The following IPCEF1 variants were observed in gnomAD, a reference collection of about 807,000 sequenced individuals.
IPCEF1 encodes the protein interaction protein for cytohesin exchange factors 1, also known as interactor protein for cytohesin exchange factors 1.
In IPCEF1, 31 loss-of-function variants were observed where a neutral mutation model predicts 50.9. The ratio of observed to expected loss-of-function variants is 0.61; its 90% CI spans 0.46 to 0.82. IPCEF1 has a LOEUF of 0.82. Ranked by LOEUF, IPCEF1 falls within the 40% of genes least tolerant of loss-of-function variation. The probability of loss-of-function intolerance (pLI) is 0.00; values close to 1 mark genes in which losing one functional copy is unlikely to be tolerated. For missense variants in IPCEF1, 458 were observed against 514.0 expected, an observed-to-expected ratio of 0.89 and a Z score of 1.05; for synonymous variants, 181 against 192.0, an observed-to-expected ratio of 0.94 and a Z score of 0.47.
At chr6:154,259,938 T>C (rs923659511) in intron 3 of IPCEF1, among the ~76,000 whole-genome samples, 6 of 152,194 alleles carry the variant, frequency 3.9e-5, no homozygotes, top group African/African-American at 1.4e-4. Flanking sequence ...AAGTTTCAGC[T>C]TTTTTTAATT....
At chr6:154,345,682 A>G (rs979175407) in intron 1 of IPCEF1, among the ~76,000 whole-genome samples, 5 of 152,172 alleles carry the variant, frequency 3.3e-5, no homozygotes, top group African/African-American at 1.2e-4. Flanking sequence ...ACAGTATTTA[A>G]TAATTCTGAA....
chr6:154,212,464 A>T (rs1474069794), intron 9 of IPCEF1, among the ~76,000 whole-genome samples: 2 of 152,242 alleles, frequency 1.3e-5, no homozygotes, highest in African/African-American at 4.8e-5. Flanking sequence ...TAGAACATAA[A>T]TAAACACTGT....
chr6:154,185,197 C>G (rs183176978), intron 10 of IPCEF1, among the ~76,000 whole-genome samples: 1 of 152,252 alleles, frequency 6.6e-6, no homozygotes, highest in Non-Finnish European at 1.5e-5. Context: ...GAAAACAGAG[C>G]CTAGCAAGGG....
chr6:154,193,551 T>C (rs551694508), intron 10 of IPCEF1, among the ~76,000 whole-genome samples: 1 of 152,344 alleles, frequency 6.6e-6, no homozygotes, highest in South Asian at 2.1e-4. Flanking sequence ...CATATACTTG[T>C]ACTCTCCTGC....
chr6:154,198,631 TACACACACACAC>T (rs3070838), intron 10 of IPCEF1, among the ~76,000 whole-genome samples: 9 of 146,698 alleles, frequency 6.1e-5, no homozygotes, highest in Admixed American at 2.8e-4. Context: ...AAATATTACA[TACACACACACAC>T]ACACACACAC....
chr6:154,186,822 C>A (rs1801409791), intron 10 of IPCEF1, among the ~76,000 whole-genome samples: 1 of 152,112 alleles, frequency 6.6e-6, no homozygotes, highest in African/African-American at 2.4e-5. Flanking sequence ...TCCCAAAATG[C>A]TGGGATTACA....
chr6:154,275,688 A>G (rs67923814), intron 2 of IPCEF1, among the ~76,000 whole-genome samples: 11,427 of 152,160 alleles, frequency 0.075, 484 homozygotes, highest in African/African-American at 0.094. Flanking sequence ...TTTGCCAAAC[A>G]TTATTCCATT....
intron 9 of IPCEF1, among the ~76,000 whole-genome samples, chr6:154,205,610 C>T (rs1777429521): frequency 6.6e-6 from 1 of 152,070 alleles, no homozygotes; most frequent in South Asian, 2.1e-4. Context: ...TAAAAACATA[C>T]ACACACAAAG....
At chr6:154,181,669 G>A (rs541390339) in intron 10 of IPCEF1, among the ~76,000 whole-genome samples, 5 of 152,124 alleles carry the variant, frequency 3.3e-5, no homozygotes, top group Non-Finnish European at 7.3e-5. Context: ...ATCCCCACCC[G>A]GAGCCTCTGC....
chr6:154,334,061 C>A (rs916671605), intron 1 of IPCEF1, among the ~76,000 whole-genome samples: 4 of 152,124 alleles, frequency 2.6e-5, no homozygotes, highest in African/African-American at 9.7e-5. Flanking sequence ...CATTATTGGG[C>A]AGCTAACATT....
At chr6:154,184,499 A>T (rs542125835) in intron 10 of IPCEF1, among the ~76,000 whole-genome samples, 2 of 152,214 alleles carry the variant, frequency 1.3e-5, no homozygotes, top group South Asian at 4.1e-4. Context: ...CATTTTTTTT[A>T]AAAGACCAAT....
intron 1 of IPCEF1, among the ~76,000 whole-genome samples, chr6:154,323,822 A>C (rs1783452890): frequency 6.6e-6 from 1 of 152,188 alleles, no homozygotes; most frequent in African/African-American, 2.4e-5. Flanking sequence ...GCATGGTGGC[A>C]GACGCCTGTA....
At position 154,187,212 on chromosome 6, in the gene IPCEF1, A is replaced by ATTTT. The variant is rs1370844484; in HGVS notation, c.910+12455_910+12456insAAAA. On this transcript the variant is annotated intron_variant, in intron 10 of 11. Coordinates refer to ENST00000367220, the MANE Select transcript of IPCEF1 (RefSeq NM_001130700.2). ...CGACTTATCAGAGAGATTTTCCAGG[A>ATTTT]CTACCAATGTAAAATCACACACCCC... is the stretch of plus-strand genomic sequence containing the variant. 2.5e-3 allele frequency among the ~76,000 whole-genome samples: 383 copies of ATTTT among 152,214 alleles called. 2 individuals carry two copies. The highest frequency in any genetic ancestry group is 9.1e-3 in the African/African-American group (377 of 41,528).
intron 5 of IPCEF1, among the ~76,000 whole-genome samples, chr6:154,224,290 C>A (rs927175914): frequency 6.6e-6 from 1 of 152,228 alleles, no homozygotes; most frequent in Non-Finnish European, 1.5e-5. Context: ...AACTAGAGTG[C>A]AACTTGCATT....
intron 3 of IPCEF1, among the ~76,000 whole-genome samples, chr6:154,261,133 C>T (rs1039944639): frequency 6.6e-6 from 1 of 152,072 alleles, no homozygotes; most frequent in Non-Finnish European, 1.5e-5. Context: ...CTCCTGGGCC[C>T]AAGCGATCCA....
chr6:154,184,552 T>C (rs1583735186), intron 10 of IPCEF1, among the ~76,000 whole-genome samples: 1 of 152,164 alleles, frequency 6.6e-6, no homozygotes, highest in East Asian at 1.9e-4. Flanking sequence ...TATATATATA[T>C]ATGCGCATTG....
chr6:154,248,766 A>C (rs1680125994), intron 3 of IPCEF1, among the ~76,000 whole-genome samples: 2 of 152,184 alleles, frequency 1.3e-5, no homozygotes, highest in Admixed American at 1.3e-4. Context: ...GATATTGATA[A>C]TAATTCTAAT....
intron 1 of IPCEF1, among the ~76,000 whole-genome samples, chr6:154,295,628 T>C (rs1782629783): frequency 6.6e-6 from 1 of 152,218 alleles, no homozygotes; most frequent in South Asian, 2.1e-4. Context: ...CTGCTAGACT[T>C]CTTGGCTCAT....
intron 1 of IPCEF1, among the ~76,000 whole-genome samples, chr6:154,344,131 T>C (rs1418632952): frequency 6.6e-6 from 1 of 152,198 alleles, no homozygotes; most frequent in Non-Finnish European, 1.5e-5. Flanking sequence ...CCGAGTCTCC[T>C]CTCTCAGTTT....
Sources: gnomAD v4.1 joint callset for allele counts (sites outside exome capture counted in the v4.1 genomes callset) on GRCh38, gnomAD v4.1.1 for gene constraint, MANE v1.5 for transcripts, NCBI Gene and HGNC (gene_info 2026-07-23, HGNC 2026-07-21) for gene names.